The following LHFPL3 variants were observed in gnomAD, a reference collection of about 807,000 sequenced individuals.
LHFPL3 encodes LHFPL tetraspan subfamily member 3, also known as LHFPL tetraspan subfamily member 3 protein.
Under a neutral mutation model 19.3 loss-of-function variants are expected in LHFPL3, and 5 were observed. The ratio of observed to expected loss-of-function variants is 0.26; its 90% CI spans 0.14 to 0.54. The LOEUF (loss-of-function observed/expected upper bound fraction) is 0.54. Ranked by LOEUF, LHFPL3 falls within the 20% of genes least tolerant of loss-of-function variation. The pLI is 0.94. For missense variants in LHFPL3, 249 were observed against 307.4 expected, an observed-to-expected ratio of 0.81 and a Z score of 1.42; for synonymous variants, 133 against 126.2, an observed-to-expected ratio of 1.05 and a Z score of -0.36.
intron 1 of LHFPL3, among the ~76,000 whole-genome samples, chr7:104,407,776 G>A (rs1466864753): frequency 6.6e-6 from 1 of 152,186 alleles, no homozygotes; most frequent in Admixed American, 6.5e-5. Context: ...GATCAGCCAA[G>A]TCCTTCATGC....
At chr7:104,746,384 G>T (rs1025992033) in intron 2 of LHFPL3, among the ~76,000 whole-genome samples, 2 of 152,090 alleles carry the variant, frequency 1.3e-5, no homozygotes, top group Admixed American at 1.3e-4. Context: ...GTAGATCTAG[G>T]AATGAAAAAC....
chr7:104,616,348 T>A (rs1310426011), intron 1 of LHFPL3, among the ~76,000 whole-genome samples: 1 of 152,158 alleles, frequency 6.6e-6, no homozygotes, highest in Non-Finnish European at 1.5e-5. Flanking sequence ...TCTAAAACCA[T>A]CTGATCTTTG....
intron 1 of LHFPL3, among the ~76,000 whole-genome samples, chr7:104,560,647 A>AT (rs201665023): frequency 6.6e-6 from 1 of 150,504 alleles, no homozygotes; most frequent in Admixed American, 6.6e-5. Flanking sequence ...GGATTCATTA[A>AT]TTTTTTTGAA....
intron 2 of LHFPL3, among the ~76,000 whole-genome samples, chr7:104,882,025 C>T (rs777132116): frequency 2.2e-4 from 33 of 152,290 alleles, no homozygotes; most frequent in East Asian, 3.9e-4. Flanking sequence ...CACTGGGAAA[C>T]GAAAACTTCT....
chr7:104,508,961 T>A (rs542618879), intron 1 of LHFPL3, among the ~76,000 whole-genome samples: 39 of 152,010 alleles, frequency 2.6e-4, no homozygotes, highest in African/African-American at 8.9e-4. Flanking sequence ...ATTAAGAGTA[T>A]ACAATGAACA....
At chr7:104,898,004 C>A (rs934217575) in intron 2 of LHFPL3, among the ~76,000 whole-genome samples, 1 of 75,056 alleles carries the variant, frequency 1.3e-5, no homozygotes, top group Non-Finnish European at 2.8e-5. Context: ...GAAATGTCAC[C>A]CCTTTTTTTT....
Position 104,593,935 on chromosome 7 carries a change from C to T in LHFPL3, c.446-142740C>T, listed in dbSNP as rs1054021650. Among the ~76,000 whole-genome samples the T allele has an allele frequency of 4.6e-5, 7 of 152,144 alleles. No homozygotes were observed. In the East Asian group the frequency reaches 5.8e-4, roughly 13 times the overall value. ...CATCCCTTTATTTTGAGCCTATGTG[C>T]GTCTTTGCACGTGAAATGGGTCTCC... On this transcript the variant is annotated intron_variant, in intron 1 of 2. Transcript: ENST00000424859.
rs1237672611 is a variant in LHFPL3, at chr7:104,644,120, CA to C, written c.446-92551del. On this transcript the variant is annotated intron_variant, in intron 1 of 2. Coordinates refer to ENST00000424859, the MANE Select transcript of LHFPL3 (RefSeq NM_199000.3). ...CTGGTCATTGATTTCACAGATTAGT[CA>C]AAATGCTAATTACCAAGTACCTCAT... 3.3e-5 allele frequency among the ~76,000 whole-genome samples: 5 copies of C among 152,318 alleles called. 1 individual carries two copies. The highest frequency in any genetic ancestry group is 1.2e-4 in the African/African-American group (5 of 41,570).
chr7:104,863,415 T>A (rs1791653960), intron 2 of LHFPL3, among the ~76,000 whole-genome samples: 2 of 152,144 alleles, frequency 1.3e-5, no homozygotes, highest in South Asian at 2.1e-4. Flanking sequence ...AGCCTCTGGG[T>A]TTTTTTCCCA....
At chr7:104,581,801 T>G (rs979122161) in intron 1 of LHFPL3, among the ~76,000 whole-genome samples, 1 of 151,968 alleles carries the variant, frequency 6.6e-6, no homozygotes, top group Non-Finnish European at 1.5e-5. Flanking sequence ...CACGTACATG[T>G]GGGTTTATAT....
intron 1 of LHFPL3, among the ~76,000 whole-genome samples, chr7:104,583,291 A>C (rs1170923401): frequency 6.6e-6 from 1 of 152,186 alleles, no homozygotes; most frequent in South Asian, 2.1e-4. Context: ...CCTTCCTTAC[A>C]CCTTATACAA....
chr7:104,418,757 G>A lies in LHFPL3; in HGVS notation c.445+89533G>A, dbSNP rs60304188. ...AGCCTTCAAGGATAGGTGTGATTCT[G>A]AAGAACAGAGATGGAGTGGAGGCAT... On this transcript the variant is annotated intron_variant, in intron 1 of 2. Transcript: ENST00000424859. Among the ~76,000 whole-genome samples, 1,319 of 152,304 alleles carry A rather than the reference G, an allele frequency of 8.7e-3. 78 individuals are homozygous for A. In the East Asian group the frequency reaches 0.16, roughly 19 times the overall value.
intron 1 of LHFPL3, among the ~76,000 whole-genome samples, chr7:104,429,301 C>CTTTTTTTTT (rs71823474): frequency 7.1e-5 from 6 of 84,532 alleles, no homozygotes; most frequent in African/African-American, 1.1e-4. Flanking sequence ...TATGTCATTC[C>CTTTTTTTTT]TTTTTTTTTT....
intron 1 of LHFPL3, among the ~76,000 whole-genome samples, chr7:104,554,104 A>G (rs1039802741): frequency 3.3e-5 from 5 of 152,208 alleles, no homozygotes; most frequent in Non-Finnish European, 7.3e-5. Flanking sequence ...GCCTGTCAAT[A>G]TTAAAATGAA....
At chr7:104,895,042 G>A (rs1255969624) in intron 2 of LHFPL3, 2 of 152,150 alleles carry the variant, frequency 1.3e-5, no homozygotes, top group Non-Finnish European at 2.9e-5. Flanking sequence ...CGAGATCCAG[G>A]GAGGTTCACA....
rs1051887080 is a variant in LHFPL3, at chr7:104,578,700, A to AC, written c.446-157969dup. 2.6e-5 allele frequency among the ~76,000 whole-genome samples: 4 copies of AC among 151,554 alleles called. No individual in the cohort carries two copies. The South Asian group carries it at 6.3e-4, about 24-fold the overall frequency. On this transcript the variant is annotated intron_variant, in intron 1 of 2. Transcript: ENST00000424859. ...ACCGTGATAGATTGTGCTTGACAGT[A>AC]CCCCCCTACCCCCAACCAGTAAGGA... is the stretch of plus-strand genomic sequence containing the variant.
At chr7:104,359,102 G>A (rs1482945720) in intron 1 of LHFPL3, among the ~76,000 whole-genome samples, 1 of 152,194 alleles carries the variant, frequency 6.6e-6, no homozygotes, top group Non-Finnish European at 1.5e-5. Flanking sequence ...TACACAAAGA[G>A]GGCCAGCCTG....
chr7:104,463,228 A>T (rs1792711197), intron 1 of LHFPL3, among the ~76,000 whole-genome samples: 1 of 152,026 alleles, frequency 6.6e-6, no homozygotes, highest in Non-Finnish European at 1.5e-5. Context: ...TAATGTCTTG[A>T]TTTCCCTCAG....
intron 1 of LHFPL3, among the ~76,000 whole-genome samples, chr7:104,354,034 A>G (rs952683657): frequency 1.4e-4 from 21 of 152,040 alleles, no homozygotes; most frequent in African/African-American, 4.3e-4. Context: ...TCTGATATGT[A>G]TCCTTTTGTT....
Sources: gnomAD v4.1 joint callset for allele counts (sites outside exome capture counted in the v4.1 genomes callset) on GRCh38, gnomAD v4.1.1 for gene constraint, MANE v1.5 for transcripts, NCBI Gene and HGNC (gene_info 2026-07-23, HGNC 2026-07-21) for gene names.